Variants in SLC9B1 observed in about 807,000 individuals in gnomAD.
SLC9B1 encodes the protein solute carrier family 9 member B1.
SLC9B1 carries 32 observed loss-of-function variants against 51.7 expected under a neutral mutation model. The observed-to-expected ratio is 0.62, with a 90% CI of 0.47 to 0.83. The LOEUF is 0.83. SLC9B1 is among the 40% of genes least tolerant of loss of function. The pLI, the probability that SLC9B1 is intolerant of heterozygous loss-of-function variation, is 0.00. For missense variants in SLC9B1, 406 were observed against 613.2 expected (o/e 0.66, Z 3.57); for synonymous variants, 145 against 212.7 (o/e 0.68, Z 2.77).
At chr4:102,979,941 G>C (rs1319145452) in intron 3 of SLC9B1, among the ~76,000 whole-genome samples, 1 of 152,102 alleles carries the variant, frequency 6.6e-6, no homozygotes, top group Non-Finnish European at 1.5e-5. Flanking sequence ...TAAAGGACAT[G>C]AGCAGACACT....
chr4:102,934,182 A>G (rs1736601986), intron 6 of SLC9B1, among the ~76,000 whole-genome samples: 1 of 152,268 alleles, frequency 6.6e-6, no homozygotes, highest in African/African-American at 2.4e-5. Flanking sequence ...TGATTATAAA[A>G]TTCATTTGGA....
rs1741649637 is a variant in SLC9B1 at position 103,019,652 on chromosome 4, G to A, written c.-55C>T. 1.0e-6 allele frequency: 1 copy of A among 985,510 alleles called. No homozygotes were observed. The highest frequency in any genetic ancestry group is 1.2e-6 in the Non-Finnish European group (1 of 829,966). The allele number at this position is 985,510 out of a possible 1,614,324, so 61.0% of individuals were successfully genotyped here. A position where few individuals can be genotyped will look rare whatever the true frequency, so the allele number is the denominator to read the frequency against. ...CCCGGGAGCGGCCCAGGAGCCCAGT[G>A]ACCGTTGCGTAAGCCACGCGCCACC... On this transcript the variant is annotated 5_prime_UTR_variant, in exon 1 of 12. Coordinates refer to ENST00000296422, the MANE Select transcript of SLC9B1 (RefSeq NM_139173.4).
intron 1 of SLC9B1, among the ~76,000 whole-genome samples, chr4:103,004,205 G>A (rs1399298141): frequency 6.6e-6 from 1 of 152,032 alleles, no homozygotes; most frequent in Non-Finnish European, 1.5e-5. Flanking sequence ...AAATGATATA[G>A]GAACTTAAAA....
At chr4:102,947,451 T>C (rs1200416707) in intron 4 of SLC9B1, among the ~76,000 whole-genome samples, 1 of 152,224 alleles carries the variant, frequency 6.6e-6, no homozygotes, top group Non-Finnish European at 1.5e-5. Flanking sequence ...CATGGCTCAC[T>C]GTAGGCTTAA....
chr4:102,895,328 A>G (rs1316728546), intron 11 of SLC9B1, among the ~76,000 whole-genome samples: 2 of 152,226 alleles, frequency 1.3e-5, no homozygotes, highest in Non-Finnish European at 2.9e-5. Flanking sequence ...TGATTTAAAT[A>G]CGTACATAAA....
At chr4:102,983,781 AG>A (rs1306668381) in intron 3 of SLC9B1, among the ~76,000 whole-genome samples, 1 of 151,516 alleles carries the variant, frequency 6.6e-6, no homozygotes, top group Admixed American at 6.6e-5. Context: ...TATTTTTCTT[AG>A]TTAGTTTGGC....
intron 6 of SLC9B1, among the ~76,000 whole-genome samples, chr4:102,940,885 T>C (rs916653747): frequency 1.3e-5 from 2 of 152,166 alleles, no homozygotes; most frequent in Non-Finnish European, 2.9e-5. Flanking sequence ...AAGGAATCCC[T>C]ACTCGGAAAT....
At position 102,991,714 on chromosome 4, in the gene SLC9B1, T is replaced by G; in HGVS notation, c.-1-2A>C. ...TTTTTTGATTCTGTGGTATGCATGC[T>G]AAGATTTAAAAGAAAAATACTTTAA... On this transcript the variant is annotated splice_acceptor_variant, in intron 1 of 11. Coordinates refer to ENST00000296422, the MANE Select transcript of SLC9B1 (RefSeq NM_139173.4). LOFTEE classifies it low-confidence loss of function (5UTR_SPLICE). 1 of 1,564,934 alleles carries G rather than the reference T, an allele frequency of 6.4e-7. No individual in the cohort carries two copies. Among genetic ancestry groups the G allele is most frequent in the South Asian group, 1.2e-5 (1 of 84,936 alleles).
At chr4:102,918,634 A>C (rs1735706285) in intron 7 of SLC9B1, among the ~76,000 whole-genome samples, 1 of 152,156 alleles carries the variant, frequency 6.6e-6, no homozygotes, top group Non-Finnish European at 1.5e-5. Flanking sequence ...AGCCCTCAGA[A>C]ATGGGACTAG....
chr4:102,893,312 G>C (rs896412068), intron 11 of SLC9B1, among the ~76,000 whole-genome samples: 30 of 111,160 alleles, frequency 2.7e-4, no homozygotes, highest in African/African-American at 1.1e-3. Context: ...AAAAGAAAAA[G>C]AAAAAAGAAA....
At chr4:103,008,713 C>A (rs1028847090) in intron 1 of SLC9B1, among the ~76,000 whole-genome samples, 1 of 151,220 alleles carries the variant, frequency 6.6e-6, no homozygotes, top group African/African-American at 2.4e-5. Flanking sequence ...AATTTCTTGT[C>A]ATTTCATCTC....
intron 6 of SLC9B1, among the ~76,000 whole-genome samples, chr4:102,939,109 A>G (rs1166667777): frequency 6.6e-6 from 1 of 151,766 alleles, no homozygotes; most frequent in Non-Finnish European, 1.5e-5. Context: ...GAGAGAATAA[A>G]TAAATTGGAT....
At chr4:102,942,255 C>T (rs931918454) in intron 6 of SLC9B1, among the ~76,000 whole-genome samples, 2 of 152,096 alleles carry the variant, frequency 1.3e-5, no homozygotes, top group African/African-American at 4.8e-5. Flanking sequence ...TAGGTAGAAT[C>T]AATATTGTGA....
chr4:103,004,129 T>A (rs988216471), intron 1 of SLC9B1, among the ~76,000 whole-genome samples: 1 of 152,086 alleles, frequency 6.6e-6, no homozygotes, highest in African/African-American at 2.4e-5. Flanking sequence ...AGAATATGGA[T>A]AGAAATGAAC....
At chr4:102,892,229 T>C (rs1734281922) in intron 11 of SLC9B1, 1 of 152,142 alleles carries the variant, frequency 6.6e-6, no homozygotes. Context: ...CGGCTAATTT[T>C]TTATTTTTCT....
At chr4:102,909,485 C>T (rs1735231178) in intron 9 of SLC9B1, among the ~76,000 whole-genome samples, 1 of 152,130 alleles carries the variant, frequency 6.6e-6, no homozygotes, top group African/African-American at 2.4e-5. Context: ...CGCCTGTAAT[C>T]CCAGCTACTA....
intron 1 of SLC9B1, among the ~76,000 whole-genome samples, chr4:103,003,377 G>A (rs1204091230): frequency 1.3e-5 from 2 of 151,954 alleles, no homozygotes; most frequent in African/African-American, 4.9e-5. Flanking sequence ...AGGATGTGCA[G>A]TGTAATGAAC....
At chr4:103,001,093 GC>G (rs1397614008) in intron 1 of SLC9B1, among the ~76,000 whole-genome samples, 2 of 152,210 alleles carry the variant, frequency 1.3e-5, no homozygotes, top group African/African-American at 4.8e-5. Flanking sequence ...CCACGTGTAA[GC>G]CACCAGGGCT....
chr4:102,991,654 T>C lies in SLC9B1; in HGVS notation c.58A>G (p.Thr20Ala). Reference protein sequence around the residue: ...HLEDENFQTSTTPQSLIDPNN... With the variant: ...HLEDENFQTSATPQSLIDPNN... ...TTTTAAGTTTTTACCTGAGGAGTTG[T>C]AGATGTTTGGAAGTTTTCATCCTCC... Residue 20 changes from threonine (T) to alanine (A), a missense_variant, in exon 2 of 12, where the codon ACA (threonine) becomes GCA (alanine). Physicochemically the swap from Thr to Ala is moderately conservative, Grantham distance 58. Coordinates refer to ENST00000296422, the MANE Select transcript of SLC9B1 (RefSeq NM_139173.4). 1 of 1,586,960 alleles carries C rather than the reference T, an allele frequency of 6.3e-7. No individual in the cohort carries two copies. The highest frequency in any genetic ancestry group is 8.6e-7 in the Non-Finnish European group (1 of 1,164,410).
Sources: allele counts gnomAD v4.1 joint callset (sites outside exome capture counted in the v4.1 genomes callset), GRCh38; gene constraint gnomAD v4.1.1; transcripts MANE v1.5; gene names NCBI Gene and HGNC (gene_info 2026-07-23, HGNC 2026-07-21).